Variants in C14orf132 observed in about 807,000 individuals in gnomAD.
C14orf132 encodes the protein uncharacterized protein C14orf132.
In C14orf132, 6 loss-of-function variants were observed where a neutral mutation model predicts 5.8. The ratio of observed to expected loss-of-function variants is 1.03; its 90% CI spans 0.57 to 2.04. The LOEUF is 2.04. Among genes scored for constraint, C14orf132 ranks in the 30% most tolerant of loss-of-function variants. The probability of loss-of-function intolerance (pLI) is 0.00; values close to 1 mark genes in which losing one functional copy is unlikely to be tolerated. For synonymous variants in C14orf132, 51 were observed against 49.8 expected, an observed-to-expected ratio of 1.02 and a Z score of -0.10; for missense variants, 125 against 115.8, an observed-to-expected ratio of 1.08 and a Z score of -0.37.
At chr14:96,066,875 T>C (rs1162950805) in intron 1 of C14orf132, among the ~76,000 whole-genome samples, 1 of 152,192 alleles carries the variant, frequency 6.6e-6, no homozygotes, top group African/African-American at 2.4e-5. Flanking sequence ...AATAAATTAG[T>C]GTAAGACCCC....
At chr14:96,064,776 T>G (rs1887481438) in intron 1 of C14orf132, among the ~76,000 whole-genome samples, 1 of 151,838 alleles carries the variant, frequency 6.6e-6, no homozygotes, top group Non-Finnish European at 1.5e-5. Flanking sequence ...CTAAAGAACT[T>G]ACTCATGCAA....
At chr14:96,044,724 T>A (rs1886787928) in intron 1 of C14orf132, among the ~76,000 whole-genome samples, 1 of 152,182 alleles carries the variant, frequency 6.6e-6, no homozygotes, top group Non-Finnish European at 1.5e-5. Flanking sequence ...TCCTTGGCAT[T>A]CCTTGGCTTG....
At chr14:96,045,459 G>A (rs936387335) in intron 1 of C14orf132, among the ~76,000 whole-genome samples, 2 of 152,142 alleles carry the variant, frequency 1.3e-5, no homozygotes, top group South Asian at 2.1e-4. Flanking sequence ...GAGGGGGTGG[G>A]TGTATAAGTC....
chr14:96,071,283 TG>T (rs1887700513), intron 1 of C14orf132, among the ~76,000 whole-genome samples: 1 of 152,114 alleles, frequency 6.6e-6, no homozygotes, highest in Admixed American at 6.5e-5. Context: ...AACAGCAGCA[TG>T]GGGGTAACTG....
In C14orf132 at chr14:96,064,429, CATATATATGTGT is replaced by C. The variant is rs1332054328; in HGVS notation, c.28-22065_28-22054del. On this transcript the variant is annotated intron_variant, in intron 1 of 1. Coordinates refer to ENST00000555004, the MANE Select transcript of C14orf132 (RefSeq NM_001252507.3). ...ATGTATATATATACACATATATACA[CATATATATGTGT>C]ATATATATGTGTATATGTATGTATA... 1.6e-4 allele frequency among the ~76,000 whole-genome samples: 23 copies of C among 147,066 alleles called. No individual in the cohort carries two copies. The East Asian group carries it at 3.9e-3, about 25-fold the overall frequency.
intron 1 of C14orf132, among the ~76,000 whole-genome samples, chr14:96,068,543 G>A (rs28621530): frequency 0.084 from 12,816 of 152,198 alleles, 775 homozygotes; most frequent in African/African-American, 0.17. Context: ...CTCACTTCCA[G>A]ATGAGACCAA....
chr14:96,071,394 A>ATT (rs1375446957), intron 1 of C14orf132, among the ~76,000 whole-genome samples: 1 of 151,952 alleles, frequency 6.6e-6, no homozygotes, highest in African/African-American at 2.4e-5. Context: ...ACACAGCCAA[A>ATT]CCATTTCACT....
intron 1 of C14orf132, among the ~76,000 whole-genome samples, chr14:96,085,527 T>C (rs1888154525): frequency 6.6e-6 from 1 of 152,212 alleles, no homozygotes; most frequent in African/African-American, 2.4e-5. Flanking sequence ...CAGAGAACCT[T>C]TAAAAACAGA....
chr14:96,090,880 C>A lies in C14orf132; in HGVS notation c.*4145C>A, dbSNP rs774344578. ...TGTCAGCACTGCTGCCTGATCCCTGCAAGACAAATGGCACTTTCCTTCTTC... is the reference window on the plus strand; with the variant it reads ...TGTCAGCACTGCTGCCTGATCCCTGAAAGACAAATGGCACTTTCCTTCTTC... On this transcript the variant is annotated 3_prime_UTR_variant, in exon 2 of 2. Coordinates refer to ENST00000555004, the MANE Select transcript of C14orf132 (RefSeq NM_001252507.3). 3 of 456,000 alleles carry A rather than the reference C, an allele frequency of 6.6e-6. No individual in the cohort carries two copies. Among genetic ancestry groups the A allele is most frequent in the East Asian group, 1.4e-4 (2 of 14,414 alleles). 28.2% of individuals were successfully genotyped at this position (456,000 alleles called of 1,614,324 possible).
At chr14:96,071,943 T>C (rs149751294) in intron 1 of C14orf132, among the ~76,000 whole-genome samples, 218 of 152,314 alleles carry the variant, frequency 1.4e-3, no homozygotes, top group Non-Finnish European at 2.4e-3. Context: ...GGGAGAGCCA[T>C]GTGAATGTGG....
In C14orf132 at chr14:96,086,617, A is replaced by G. The variant is rs1003954640; in HGVS notation, c.134A>G (p.Gln45Arg). Residue 45 changes from glutamine (Q) to arginine (R), a missense_variant, in exon 2 of 2, where the codon CAG (glutamine) becomes CGG (arginine). Gln to Arg is a conservative substitution (Grantham distance 43). Coordinates refer to ENST00000555004, the MANE Select transcript of C14orf132 (RefSeq NM_001252507.3). Reference sequence around the variant, plus strand: ...AATGTCCACGCGGCTGCCAATGGCCAGGGCCAGCCGGAAGATCCTCCTCGG... The same window carrying G: ...AATGTCCACGCGGCTGCCAATGGCCGGGGCCAGCCGGAAGATCCTCCTCGG... ...SANVHAAANG[Q>R]GQPEDPPRSS... 2 of 1,536,166 alleles carry G rather than the reference A, an allele frequency of 1.3e-6. No individual in the cohort carries two copies. The highest frequency in any genetic ancestry group is 1.7e-6 in the Non-Finnish European group (2 of 1,146,916).
chr14:96,073,588 G>A lies in C14orf132; in HGVS notation c.28-12923G>A, dbSNP rs138940921. ...GAATGCTTTTATACTGTTGGTGGGAGTGTAAATTAGCTCAACCGTTTTGGA... is the reference window on the plus strand; with the variant it reads ...GAATGCTTTTATACTGTTGGTGGGAATGTAAATTAGCTCAACCGTTTTGGA... On this transcript the variant is annotated intron_variant, in intron 1 of 1. Transcript: ENST00000555004. 7.2e-5 allele frequency among the ~76,000 whole-genome samples: 11 copies of A among 152,336 alleles called. No homozygotes were observed. In the East Asian group the frequency reaches 2.1e-3, roughly 29 times the overall value.
chr14:96,062,293 G>T (rs551755828), intron 1 of C14orf132, among the ~76,000 whole-genome samples: 1 of 152,206 alleles, frequency 6.6e-6, no homozygotes. Context: ...AGGACTGGAT[G>T]TGTGGCTATG....
intron 1 of C14orf132, among the ~76,000 whole-genome samples, chr14:96,072,424 G>C (rs528033557): frequency 6.6e-6 from 1 of 152,216 alleles, no homozygotes. Flanking sequence ...TGCATGGAAT[G>C]GTGAACGCCG....
chr14:96,070,571 G>A (rs1299766926), intron 1 of C14orf132, among the ~76,000 whole-genome samples: 1 of 146,986 alleles, frequency 6.8e-6, no homozygotes, highest in Non-Finnish European at 1.5e-5. Context: ...CATTTGCCAG[G>A]GTAGATGAAG....
At chr14:96,042,402 A>G (rs558507780) in intron 1 of C14orf132, among the ~76,000 whole-genome samples, 5 of 152,338 alleles carry the variant, frequency 3.3e-5, no homozygotes, top group Non-Finnish European at 7.3e-5. Context: ...TCCCTTGGGA[A>G]AACCTCAGCC....
chr14:96,063,402 G>T (rs1887422543), intron 1 of C14orf132, among the ~76,000 whole-genome samples: 1 of 152,084 alleles, frequency 6.6e-6, no homozygotes, highest in Admixed American at 6.6e-5. Flanking sequence ...TCTGTCTCCT[G>T]GTTTCAAGTG....
Position 96,091,801 on chromosome 14 carries a change from A to C in C14orf132, c.*5066A>C, listed in dbSNP as rs1422763019. 6.6e-6 allele frequency: 1 copy of C among 151,022 alleles called. No homozygotes were observed. Among genetic ancestry groups the C allele is most frequent in the Non-Finnish European group, 1.5e-5 (1 of 67,816 alleles). 9.4% of individuals were successfully genotyped at this position (151,022 alleles called of 1,614,324 possible). ...GAGGGATGGAGGAGAAGGTGGTTGA[A>C]CTGAGTACTGAGAACCCAGAGGACA... On this transcript the variant is annotated 3_prime_UTR_variant, in exon 2 of 2. Transcript: ENST00000555004.
chr14:96,047,427 G>A (rs900215288), intron 1 of C14orf132, among the ~76,000 whole-genome samples: 1 of 152,182 alleles, frequency 6.6e-6, no homozygotes. Flanking sequence ...CTCAGGTCCT[G>A]CACCCCAGCT....
Sources: allele counts gnomAD v4.1 joint callset (sites outside exome capture counted in the v4.1 genomes callset), GRCh38; gene constraint gnomAD v4.1.1; transcripts MANE v1.5; gene names NCBI Gene and HGNC (gene_info 2026-07-23, HGNC 2026-07-21).